Variants in S100A8 observed in about 807,000 individuals in gnomAD.
S100A8 encodes S100 calcium binding protein A8, also known as protein S100-A8.
Under a neutral mutation model 4.2 loss-of-function variants are expected in S100A8, and 1 was observed. That is an observed-to-expected ratio of 0.24 (90% CI 0.08 to 1.12). S100A8 has a LOEUF of 1.12. Ranked by LOEUF, S100A8 falls within the 50% of genes most tolerant of loss-of-function variation. The pLI is 0.53. For synonymous variants in S100A8, 41 were observed against 44.7 expected (o/e 0.92, Z 0.33); for missense variants, 96 against 111.8 (o/e 0.86, Z 0.64).
the S100A8 span, among the ~76,000 whole-genome samples, chr1:153,409,433 C>T: frequency 2.1e-4 from 32 of 152,260 alleles, 1 homozygote; most frequent in Middle Eastern, 0.027. Flanking sequence ...GCTAACTATC[C>T]TAAATATATA....
the S100A8 span, among the ~76,000 whole-genome samples, chr1:153,413,123 G>T: frequency 6.6e-6 from 1 of 152,060 alleles, no homozygotes; most frequent in Admixed American, 6.6e-5. Context: ...CCCTAGAACT[G>T]AAAGTATAAT....
At chr1:153,404,503 A>G in the S100A8 span, among the ~76,000 whole-genome samples, 1,096 of 152,292 alleles carry the variant, frequency 7.2e-3, 7 homozygotes, top group African/African-American at 0.025. Flanking sequence ...CCTGTCATTC[A>G]GGAGATTCCA....
the S100A8 span, among the ~76,000 whole-genome samples, chr1:153,415,688 C>T: frequency 0.096 from 14,380 of 149,958 alleles, 941 homozygotes; most frequent in Middle Eastern, 0.17. Context: ...TTCCCACTCC[C>T]TACCTCCAGG....
upstream of S100A8, among the ~76,000 whole-genome samples, chr1:153,393,979 C>A (rs1433044517): frequency 1.3e-5 from 2 of 152,208 alleles, no homozygotes; most frequent in South Asian, 2.1e-4. Flanking sequence ...TCCCCAGAAA[C>A]TGCGCCCCTG....
chr1:153,398,221 G>A, the S100A8 span, among the ~76,000 whole-genome samples: 28 of 152,290 alleles, frequency 1.8e-4, no homozygotes, highest in Non-Finnish European at 2.6e-4. Flanking sequence ...GCCCCAAGGA[G>A]CCCAGTAATC....
the S100A8 span, among the ~76,000 whole-genome samples, chr1:153,405,181 A>G: frequency 6.6e-6 from 1 of 151,892 alleles, no homozygotes; most frequent in African/African-American, 2.4e-5. Flanking sequence ...ATCATTGCCA[A>G]CTTGAAATTT....
chr1:153,405,190 T>A, the S100A8 span, among the ~76,000 whole-genome samples: 1 of 151,458 alleles, frequency 6.6e-6, no homozygotes, highest in South Asian at 2.1e-4. Flanking sequence ...AACTTGAAAT[T>A]TGGTTGAACA....
the S100A8 span, among the ~76,000 whole-genome samples, chr1:153,404,215 T>A: frequency 6.6e-6 from 1 of 151,988 alleles, no homozygotes; most frequent in Non-Finnish European, 1.5e-5. Flanking sequence ...GCCCTACAGT[T>A]CTCTGAACCC....
At chr1:153,397,742 T>C in the S100A8 span, among the ~76,000 whole-genome samples, 1 of 152,132 alleles carries the variant, frequency 6.6e-6, no homozygotes, top group Non-Finnish European at 1.5e-5. Flanking sequence ...CCCCACCACC[T>C]GTTCCTGTGA....
the S100A8 span, among the ~76,000 whole-genome samples, chr1:153,407,325 G>A: frequency 1.3e-5 from 2 of 152,232 alleles, no homozygotes; most frequent in Non-Finnish European, 2.9e-5. Flanking sequence ...ATCATATCCC[G>A]TGCCTGGCTC....
At chr1:153,419,021 G>A in the S100A8 span, 3 of 1,029,392 alleles carry the variant, frequency 2.9e-6, no homozygotes, top group African/African-American at 1.6e-5. Flanking sequence ...TGTGCTCTCA[G>A]CCCCACGACC....
At chr1:153,416,458 C>A in the S100A8 span, 3 of 360,316 alleles carry the variant, frequency 8.3e-6, no homozygotes, top group Non-Finnish European at 1.1e-5. Context: ...TGGCCCCAGG[C>A]CTCCCAACCC....
the S100A8 span, among the ~76,000 whole-genome samples, chr1:153,404,208 C>T: frequency 1.3e-5 from 2 of 152,176 alleles, no homozygotes; most frequent in African/African-American, 4.8e-5. Context: ...CTCAGCAGCC[C>T]TACAGTTCTC....
upstream of S100A8, among the ~76,000 whole-genome samples, chr1:153,392,829 C>T (rs1172589911): frequency 2.6e-5 from 4 of 152,176 alleles, no homozygotes; most frequent in African/African-American, 9.7e-5. Flanking sequence ...AAATCCAGCT[C>T]TCTCTGGATG....
At chr1:153,411,685 G>A in the S100A8 span, among the ~76,000 whole-genome samples, 2 of 152,088 alleles carry the variant, frequency 1.3e-5, no homozygotes, top group African/African-American at 2.4e-5. Context: ...ACAATCCTAA[G>A]CCAAAAGAAC....
chr1:153,416,474 A>G, the S100A8 span: 1 of 382,734 alleles, frequency 2.6e-6, no homozygotes, highest in South Asian at 2.5e-5. Flanking sequence ...AACCCGTGGG[A>G]AGAGCCAGGC....
chr1:153,404,128 G>A, the S100A8 span, among the ~76,000 whole-genome samples: 1 of 152,142 alleles, frequency 6.6e-6, no homozygotes, highest in Non-Finnish European at 1.5e-5. Flanking sequence ...GACACACAGG[G>A]CCATGTATGA....
chr1:153,403,931 G>T, the S100A8 span, among the ~76,000 whole-genome samples: 12 of 152,082 alleles, frequency 7.9e-5, no homozygotes, highest in African/African-American at 2.7e-4. Context: ...TGCCCCCACT[G>T]CAGATGCCAA....
chr1:153,411,132 C>G, the S100A8 span, among the ~76,000 whole-genome samples: 2 of 152,150 alleles, frequency 1.3e-5, no homozygotes, highest in African/African-American at 4.8e-5. Flanking sequence ...CTGGCCAGGG[C>G]AATCAGGCAG....
Sources: allele counts gnomAD v4.1 joint callset (sites outside exome capture counted in the v4.1 genomes callset), GRCh38; gene constraint gnomAD v4.1.1; transcripts MANE v1.5; gene names NCBI Gene and HGNC (gene_info 2026-07-23, HGNC 2026-07-21).